Variants in GPR89B observed in about 807,000 individuals in gnomAD.
The protein encoded by GPR89B is G protein-coupled receptor 89B.
A neutral mutation model predicts 52.4 loss-of-function variants in GPR89B; 25 were observed. That is an observed-to-expected ratio of 0.48 (90% CI 0.35 to 0.67). The LOEUF (loss-of-function observed/expected upper bound fraction) is 0.67, where lower values mean the gene tolerates loss of function less well. GPR89B is among the 30% of genes least tolerant of loss of function. The pLI, the probability that GPR89B is intolerant of heterozygous loss-of-function variation, is 0.01. For missense variants in GPR89B, 146 were observed against 450.2 expected, an observed-to-expected ratio of 0.32 and a Z score of 6.11; for synonymous variants, 52 against 151.2, an observed-to-expected ratio of 0.34 and a Z score of 4.81.
chr1:147,997,513 G>A (rs1659344405), downstream of GPR89B, among the ~76,000 whole-genome samples: 1 of 152,046 alleles, frequency 6.6e-6, no homozygotes. Context: ...AAGCAAACAA[G>A]TAGGACTGCC....
the GPR89B span, among the ~76,000 whole-genome samples, chr1:148,020,834 C>T: frequency 6.6e-6 from 1 of 151,728 alleles, no homozygotes; most frequent in Admixed American, 6.6e-5. Flanking sequence ...ATTACAGGCA[C>T]GTGTCACCAT....
the GPR89B span, among the ~76,000 whole-genome samples, chr1:148,019,006 C>T: frequency 4.0e-5 from 6 of 151,384 alleles, no homozygotes; most frequent in Non-Finnish European, 7.4e-5. Flanking sequence ...GAGACAGAGT[C>T]TCGCTCTGTC....
At chr1:147,995,920 A>G, downstream of GPR89B, 2 of 1,413,494 alleles carry the variant, frequency 1.4e-6, no homozygotes, top group South Asian at 2.3e-5. Flanking sequence ...TCAATTTCAA[A>G]CAGAGAAGGG....
chr1:147,930,313 G>A (rs1234547611), intron 1 of GPR89B, among the ~76,000 whole-genome samples: 8 of 152,148 alleles, frequency 5.3e-5, no homozygotes, highest in Non-Finnish European at 1.2e-4. Flanking sequence ...TGTCGCTTTA[G>A]GAAGGTTTTA....
chr1:147,951,270 A>G (rs1655669353), intron 5 of GPR89B, among the ~76,000 whole-genome samples: 1 of 151,928 alleles, frequency 6.6e-6, no homozygotes, highest in African/African-American at 2.4e-5. Flanking sequence ...TGAGGGTTAA[A>G]TGAATTAGAA....
downstream of GPR89B, chr1:147,994,210 A>G: frequency 6.3e-7 from 1 of 1,591,938 alleles, no homozygotes; most frequent in Non-Finnish European, 8.6e-7. Context: ...GAGACAGTAA[A>G]CAGGTCGCAA....
chr1:147,928,952 C>T, intron 1 of GPR89B: 1 of 376,236 alleles, frequency 2.7e-6, no homozygotes, highest in South Asian at 1.1e-4. Context: ...CTGTGTGGTT[C>T]TGGGCGCGCG....
intron 7 of GPR89B, among the ~76,000 whole-genome samples, chr1:147,959,231 T>C (rs1349483140): frequency 1.3e-5 from 2 of 151,978 alleles, no homozygotes; most frequent in Non-Finnish European, 2.9e-5. Flanking sequence ...AGGGAAAAAA[T>C]GTTAACCTCT....
intron 10 of GPR89B, among the ~76,000 whole-genome samples, chr1:147,980,744 G>A (rs1192533732): frequency 4.7e-5 from 7 of 147,838 alleles, no homozygotes; most frequent in African/African-American, 7.6e-5. Flanking sequence ...GCGTGAACCC[G>A]GGAGGCGGAG....
At chr1:147,989,762 C>T (rs1658923138) in intron 12 of GPR89B, among the ~76,000 whole-genome samples, 1 of 152,146 alleles carries the variant, frequency 6.6e-6, no homozygotes, top group Non-Finnish European at 1.5e-5. Flanking sequence ...GACATGAACT[C>T]ATCTTTTTTT....
At chr1:147,989,854 C>G (rs1271797212) in intron 12 of GPR89B, among the ~76,000 whole-genome samples, 1 of 152,064 alleles carries the variant, frequency 6.6e-6, no homozygotes, top group Non-Finnish European at 1.5e-5. Context: ...GGGTTGGTTC[C>G]AAGTCTTTGC....
At chr1:147,965,356 C>T (rs1436844523) in intron 7 of GPR89B, among the ~76,000 whole-genome samples, 2 of 151,218 alleles carry the variant, frequency 1.3e-5, no homozygotes, top group East Asian at 1.9e-4. Flanking sequence ...GCTGCTTGCT[C>T]TTCACCATTT....
rs1211286090 is a variant in GPR89B, at chr1:147,988,189, C to CA, written c.1006-235dup. Among the ~76,000 whole-genome samples, 11 of 150,942 alleles carry CA rather than the reference C, an allele frequency of 7.3e-5. No homozygotes were observed. The East Asian group carries it at 1.6e-3, about 21-fold the overall frequency. ...ACTACATAGCAAGACCCTGGCTCTA[C>CA]AAAAAAAATATTTTTTTAATTTTAA... is the stretch of plus-strand genomic sequence containing the variant. On this transcript the variant is annotated intron_variant, in intron 11 of 13. Coordinates refer to ENST00000314163, the MANE Select transcript of GPR89B (RefSeq NM_016334.5).
chr1:147,953,097 ATTG>A (rs1655848842), intron 5 of GPR89B, among the ~76,000 whole-genome samples: 2 of 142,960 alleles, frequency 1.4e-5, no homozygotes, highest in African/African-American at 5.1e-5. Context: ...ATTTATAATT[ATTG>A]TTGTTATTAT....
chr1:147,963,369 CCTT>C (rs1290584273), intron 7 of GPR89B, among the ~76,000 whole-genome samples: 1 of 143,088 alleles, frequency 7.0e-6, no homozygotes, highest in East Asian at 2.1e-4. Context: ...GAGCAAGACT[CCTT>C]CTTAAAAAAA....
intron 11 of GPR89B, among the ~76,000 whole-genome samples, chr1:147,987,298 T>C (rs1658737124): frequency 6.6e-6 from 1 of 152,104 alleles, no homozygotes; most frequent in African/African-American, 2.4e-5. Context: ...CCGAGACAGA[T>C]CACTTGAGTC....
chr1:147,994,001 A>C, downstream of GPR89B: 1 of 492,290 alleles, frequency 2.0e-6, no homozygotes, highest in South Asian at 2.1e-5. Context: ...GAACCTGTAG[A>C]AGTAAGAGAC....
At chr1:147,949,261 CAAT>C (rs1291816599) in intron 5 of GPR89B, among the ~76,000 whole-genome samples, 1 of 151,916 alleles carries the variant, frequency 6.6e-6, no homozygotes, top group East Asian at 1.9e-4. Flanking sequence ...GGCCCGGTCT[CAAT>C]GAGCTGTTGG....
intron 5 of GPR89B, among the ~76,000 whole-genome samples, chr1:147,952,416 A>G (rs1188452443): frequency 6.6e-6 from 1 of 151,654 alleles, no homozygotes; most frequent in Non-Finnish European, 1.5e-5. Context: ...ATGGAGAAGC[A>G]GAAGACCAGA....
Sources: gnomAD v4.1 joint callset for allele counts (sites outside exome capture counted in the v4.1 genomes callset) on GRCh38, gnomAD v4.1.1 for gene constraint, MANE v1.5 for transcripts, NCBI Gene and HGNC (gene_info 2026-07-23, HGNC 2026-07-21) for gene names.